COL21A1: variants seen among roughly 807,000 people sequenced by gnomAD.
COL21A1 encodes collagen type XXI alpha 1 chain.
A neutral mutation model predicts 137.9 loss-of-function variants in COL21A1; 149 were observed. That is an observed-to-expected ratio of 1.08 (90% CI 0.95 to 1.24). COL21A1 has a LOEUF of 1.24. Ranked by LOEUF, COL21A1 falls within the 50% of genes most tolerant of loss-of-function variation. The probability of loss-of-function intolerance (pLI) is 0.00; values close to 1 mark genes in which losing one functional copy is unlikely to be tolerated. For missense variants in COL21A1, 1,167 were observed against 1,158.4 expected, an observed-to-expected ratio of 1.01 and a Z score of -0.11; for synonymous variants, 456 against 391.5, an observed-to-expected ratio of 1.16 and a Z score of -1.95.
chr6:56,093,631 C>T (rs1769059816), intron 17 of COL21A1, among the ~76,000 whole-genome samples: 1 of 152,152 alleles, frequency 6.6e-6, no homozygotes, highest in Non-Finnish European at 1.5e-5. Context: ...CTTGGAACCA[C>T]TATTCTTTTT....
chr6:56,086,073 T>C (rs958131924), intron 17 of COL21A1, among the ~76,000 whole-genome samples: 6 of 151,218 alleles, frequency 4.0e-5, no homozygotes, highest in African/African-American at 1.2e-4. Flanking sequence ...TCATCAGGGG[T>C]TTTAAATTTA....
At chr6:56,295,859 C>T (rs1314735538) in intron 1 of COL21A1, among the ~76,000 whole-genome samples, 5 of 151,924 alleles carry the variant, frequency 3.3e-5, no homozygotes, top group African/African-American at 9.7e-5. Flanking sequence ...GGATTTTCCA[C>T]ATAGACAATC....
chr6:56,148,461 C>T (rs74996812), intron 10 of COL21A1, among the ~76,000 whole-genome samples: 3,943 of 151,896 alleles, frequency 0.026, 90 homozygotes, highest in East Asian at 0.056. Flanking sequence ...GAATGTATTT[C>T]ATATACTTTG....
At chr6:56,265,424 G>C (rs1219469622) in intron 1 of COL21A1, among the ~76,000 whole-genome samples, 1 of 152,230 alleles carries the variant, frequency 6.6e-6, no homozygotes, top group Non-Finnish European at 1.5e-5. Flanking sequence ...GGCTACAACA[G>C]AGCCAACTAA....
chr6:56,311,567 T>C (rs1158383595), intron 1 of COL21A1, among the ~76,000 whole-genome samples: 1 of 152,192 alleles, frequency 6.6e-6, no homozygotes, highest in Non-Finnish European at 1.5e-5. Flanking sequence ...AAACAGGGTT[T>C]TACTTTTGAA....
chr6:56,384,057 T>C (rs2094013363), intron 1 of COL21A1, among the ~76,000 whole-genome samples: 1 of 152,042 alleles, frequency 6.6e-6, no homozygotes, highest in Non-Finnish European at 1.5e-5. Flanking sequence ...GGTGCATCCA[T>C]CCCTCCAAAG....
At chr6:56,170,120 T>C (rs527336531) in intron 5 of COL21A1, among the ~76,000 whole-genome samples, 1 of 151,996 alleles carries the variant, frequency 6.6e-6, no homozygotes, top group South Asian at 2.1e-4. Context: ...ATGTATTCCA[T>C]TAGGGTAAAT....
chr6:56,144,121 T>C lies in COL21A1; in HGVS notation c.1435-2138A>G, dbSNP rs76273249. Among the ~76,000 whole-genome samples, 1,240 of 152,336 alleles carry C rather than the reference T, an allele frequency of 8.1e-3. 19 individuals are homozygous for C. The highest frequency in any genetic ancestry group is 0.029 in the African/African-American group (1,196 of 41,578). ...AATCAGATAGGCCTAGAATTCACTCTCAGCTCTGTCACTGCTAGCAATGTA... is the reference window on the plus strand; with the variant it reads ...AATCAGATAGGCCTAGAATTCACTCCCAGCTCTGTCACTGCTAGCAATGTA... On this transcript the variant is annotated intron_variant, in intron 10 of 29. Transcript: ENST00000244728.
At chr6:56,206,008 G>A (rs1314111826) in intron 1 of COL21A1, among the ~76,000 whole-genome samples, 3 of 152,120 alleles carry the variant, frequency 2.0e-5, no homozygotes. Context: ...AGGAAAAACT[G>A]GTAGCAGCCA....
chr6:56,074,970 A>G (rs1767083421), intron 19 of COL21A1, among the ~76,000 whole-genome samples: 1 of 114,124 alleles, frequency 8.8e-6, no homozygotes, highest in African/African-American at 3.0e-5. Context: ...TCTAGCAATA[A>G]AGTTAAAATT....
intron 9 of COL21A1, among the ~76,000 whole-genome samples, chr6:56,163,448 C>T (rs1582525990): frequency 6.6e-6 from 1 of 152,306 alleles, no homozygotes; most frequent in Middle Eastern, 3.4e-3. Flanking sequence ...CGGTGGCTCA[C>T]GCCTGTAATC....
At position 56,344,965 on chromosome 6, in the gene COL21A1, G is replaced by A. The variant is rs140480941; in HGVS notation, c.-39+49006C>T. On this transcript the variant is annotated intron_variant, in intron 1 of 28. Coordinates refer to the COL21A1 transcript ENST00000370819. ...TTCTTTATAAATTACCCAGTCTTAC[G>A]TAGTTCTTTACAGCAATGCAAGGAT... is the stretch of plus-strand genomic sequence containing the variant. Among the ~76,000 whole-genome samples, 21 of 152,212 alleles carry A rather than the reference G, an allele frequency of 1.4e-4. No homozygotes were observed. The East Asian group carries it at 2.5e-3, about 18-fold the overall frequency.
intron 1 of COL21A1, among the ~76,000 whole-genome samples, chr6:56,303,592 A>T (rs527394544): frequency 6.6e-6 from 1 of 152,276 alleles, no homozygotes; most frequent in South Asian, 2.1e-4. Flanking sequence ...GTATCCTGAG[A>T]CTTTGCTGAA....
chr6:56,057,642 A>G lies in COL21A1; in HGVS notation c.*15T>C. 6.2e-7 allele frequency: 1 copy of G among 1,611,644 alleles called. No individual in the cohort carries two copies. Among genetic ancestry groups the G allele is most frequent in the Non-Finnish European group, 8.5e-7 (1 of 1,178,848 alleles). On this transcript the variant is annotated 3_prime_UTR_variant, in exon 30 of 30. Coordinates refer to ENST00000244728, the MANE Select transcript of COL21A1 (RefSeq NM_030820.4). ...AAAAGCACCATGCCTAGGCTGCTGA[A>G]TGAGGCATCAGACACTAATAGTTTG...
intron 10 of COL21A1, 141 bp from the exon 11 acceptor site, chr6:56,142,124 T>C (rs866649293): frequency 1.6e-6 from 1 of 615,842 alleles, no homozygotes; most frequent in Middle Eastern, 4.4e-4. Context: ...AATAAAGTGT[T>C]AAATGCTTAA....
chr6:56,361,765 C>T (rs1453159715), intron 1 of COL21A1, among the ~76,000 whole-genome samples: 5 of 151,186 alleles, frequency 3.3e-5, no homozygotes, highest in East Asian at 1.9e-4. Context: ...TGTGCGTGTG[C>T]GTGTGTGTGT....
chr6:56,088,863 TG>T (rs1490641346), intron 17 of COL21A1, among the ~76,000 whole-genome samples: 1 of 152,156 alleles, frequency 6.6e-6, no homozygotes, highest in African/African-American at 2.4e-5. Flanking sequence ...CTCTGCTGAA[TG>T]GGGCCTCGAC....
chr6:56,166,031 G>T (rs1776559424), intron 7 of COL21A1, among the ~76,000 whole-genome samples: 1 of 151,668 alleles, frequency 6.6e-6, no homozygotes, highest in African/African-American at 2.4e-5. Flanking sequence ...TAGAAACGCT[G>T]CTTATATTCT....
chr6:56,335,390 C>T, intron 1 of COL21A1, among the ~76,000 whole-genome samples: 1 of 152,134 alleles, frequency 6.6e-6, no homozygotes, highest in East Asian at 1.9e-4. Context: ...AATCAGATTG[C>T]TATCTCTAGT....
Sources: gnomAD v4.1 joint callset for allele counts (sites outside exome capture counted in the v4.1 genomes callset) on GRCh38, gnomAD v4.1.1 for gene constraint, MANE v1.5 for transcripts, NCBI Gene and HGNC (gene_info 2026-07-23, HGNC 2026-07-21) for gene names.